Variants in APMAP observed in about 807,000 individuals in gnomAD.
The protein encoded by APMAP is adipocyte plasma membrane associated protein, also known as adipocyte plasma membrane-associated protein.
APMAP carries 33 observed loss-of-function variants against 43.6 expected under a neutral mutation model. That is an observed-to-expected ratio of 0.76 (90% CI 0.57 to 1.01). The LOEUF is 1.01. APMAP is among the 50% of genes least tolerant of loss of function. The probability of loss-of-function intolerance (pLI) is 0.00; values close to 1 mark genes in which losing one functional copy is unlikely to be tolerated. For synonymous variants in APMAP, 224 were observed against 216.7 expected, an observed-to-expected ratio of 1.03 and a Z score of -0.30; for missense variants, 498 against 540.7, an observed-to-expected ratio of 0.92 and a Z score of 0.78.
rs80243165 is a variant in APMAP at position 24,974,903 on chromosome 20, C to T, written c.329-1166G>A. Among the ~76,000 whole-genome samples, 671 of 152,190 alleles carry T rather than the reference C, an allele frequency of 4.4e-3. 3 individuals are homozygous for T. Among genetic ancestry groups the T allele is most frequent in the Non-Finnish European group, 8.1e-3 (550 of 67,982 alleles). Reference sequence around the variant, plus strand: ...AATCCACTATCACAGTTAGAGACTTCAACAATCTAAACAAGAATAATCACA... The same window carrying T: ...AATCCACTATCACAGTTAGAGACTTTAACAATCTAAACAAGAATAATCACA... On this transcript the variant is annotated intron_variant, in intron 3 of 8. Coordinates refer to ENST00000217456, the MANE Select transcript of APMAP (RefSeq NM_020531.3).
In APMAP at chr20:24,969,615, C is replaced by G; in HGVS notation, c.759G>C (p.Leu253Phe). The change falls in exon 7 of 9, where the codon TTG (leucine) becomes TTC (phenylalanine). Residue 253 changes from leucine to phenylalanine, a missense_variant. Coordinates refer to ENST00000217456, the MANE Select transcript of APMAP (RefSeq NM_020531.3). The stretch of plus-strand genomic sequence containing the variant: ...CTCCATTCGGGAACCGCAGCTGGTC[C>G]AATAAAACTTTTACTTCCCTGGTCA... ...DTVTREVKVL[L>F]DQLRFPNGVQ... 6.2e-7 allele frequency: 1 copy of G among 1,614,082 alleles called. No homozygotes were observed. The highest frequency in any genetic ancestry group is 8.5e-7 in the Non-Finnish European group (1 of 1,179,946).
chr20:24,984,290 G>C (rs1438575679), intron 1 of APMAP, among the ~76,000 whole-genome samples: 3 of 152,176 alleles, frequency 2.0e-5, no homozygotes, highest in Admixed American at 2.0e-4. Context: ...TCCTCCAGGA[G>C]GGTTTTAAAG....
intron 1 of APMAP, among the ~76,000 whole-genome samples, chr20:24,991,705 T>C (rs2088193871): frequency 6.6e-6 from 1 of 152,194 alleles, no homozygotes; most frequent in Non-Finnish European, 1.5e-5. Context: ...GTCCCACAAC[T>C]TCAAGCTTGG....
chr20:24,988,655 G>C (rs895996125), intron 1 of APMAP, among the ~76,000 whole-genome samples: 1 of 152,138 alleles, frequency 6.6e-6, no homozygotes, highest in Non-Finnish European at 1.5e-5. Flanking sequence ...GTAGGTACAG[G>C]GTGGGCCTGC....
intron 2 of APMAP, among the ~76,000 whole-genome samples, chr20:24,980,781 T>C (rs1262440932): frequency 1.5e-5 from 2 of 135,132 alleles, no homozygotes; most frequent in Non-Finnish European, 3.2e-5. Flanking sequence ...CCTCGGTCAC[T>C]TCTACACACC....
chr20:24,967,366 T>C (rs2087954200), intron 8 of APMAP, among the ~76,000 whole-genome samples: 1 of 152,196 alleles, frequency 6.6e-6, no homozygotes, highest in Non-Finnish European at 1.5e-5. Context: ...TCTTTCCAAG[T>C]CCATGGGGCT....
intron 3 of APMAP, among the ~76,000 whole-genome samples, chr20:24,976,605 A>G (rs1476287645): frequency 5.3e-5 from 8 of 152,242 alleles, no homozygotes; most frequent in Admixed American, 5.2e-4. Flanking sequence ...GGCAAATGGT[A>G]CAGCCACTTT....
chr20:24,990,651 C>G (rs1466799325), intron 1 of APMAP, among the ~76,000 whole-genome samples: 7 of 152,178 alleles, frequency 4.6e-5, no homozygotes, highest in African/African-American at 1.7e-4. Context: ...ACTTCGCCCA[C>G]TATACACAGG....
chr20:24,975,586 G>A (rs1469270801), intron 3 of APMAP, among the ~76,000 whole-genome samples: 1 of 152,196 alleles, frequency 6.6e-6, no homozygotes, highest in Non-Finnish European at 1.5e-5. Context: ...TTGTCAAGAT[G>A]TCAGTTTTTC....
At chr20:24,968,400 G>A (rs1283203529) in intron 8 of APMAP, among the ~76,000 whole-genome samples, 1 of 152,232 alleles carries the variant, frequency 6.6e-6, no homozygotes, top group African/African-American at 2.4e-5. Flanking sequence ...AAGGCAGCAG[G>A]GAGCAGGCGG....
At chr20:24,964,112 G>T in intron 8 of APMAP, 90 bp from the exon 9 acceptor site, 1 of 1,327,396 alleles carries the variant, frequency 7.5e-7, no homozygotes, top group South Asian at 1.3e-5. Flanking sequence ...ATCCAGGAAC[G>T]GTCTGACTCC....
rs1164026011 is a variant in APMAP, at chr20:24,971,470, A to T, written c.528T>A (p.Asn176Lys). 27 of 1,613,450 alleles carry T rather than the reference A, an allele frequency of 1.7e-5. No homozygotes were observed. The highest frequency in any genetic ancestry group is 2.1e-5 in the Non-Finnish European group (25 of 1,179,488). The change falls in exon 5 of 9, where the codon AAT becomes AAA. Residue 176 changes from asparagine to lysine, a missense_variant. Coordinates refer to ENST00000217456, the MANE Select transcript of APMAP (RefSeq NM_020531.3). Reference protein sequence around the residue: ...ADAYKGLFEVNPWKREVKLLL... With the variant: ...ADAYKGLFEVKPWKREVKLLL... ...GATATTGTCACATACGTTTCCAGGGATTTACTTCAAATAGTCCCTTGTATG... is the reference window on the plus strand; with the variant it reads ...GATATTGTCACATACGTTTCCAGGGTTTTACTTCAAATAGTCCCTTGTATG...
At chr20:24,967,290 G>A (rs528320382) in intron 8 of APMAP, among the ~76,000 whole-genome samples, 4 of 152,274 alleles carry the variant, frequency 2.6e-5, no homozygotes, top group East Asian at 1.9e-4. Context: ...GCGAGGCTCC[G>A]TCTCAAAAAC....
intron 1 of APMAP, among the ~76,000 whole-genome samples, chr20:24,990,383 TTCATATAAACCACC>T (rs2088181748): frequency 6.6e-6 from 1 of 152,172 alleles, no homozygotes; most frequent in African/African-American, 2.4e-5. Flanking sequence ...TCTCTGTAAC[TTCATATAAACCACC>T]TCACACACAT....
chr20:24,965,481 G>A (rs918656014), intron 8 of APMAP, among the ~76,000 whole-genome samples: 2 of 152,250 alleles, frequency 1.3e-5, no homozygotes, highest in African/African-American at 4.8e-5. Flanking sequence ...GCAGACCATG[G>A]TGACCCAGAC....
intron 1 of APMAP, among the ~76,000 whole-genome samples, chr20:24,990,514 C>A (rs1371938656): frequency 1.3e-5 from 2 of 152,202 alleles, no homozygotes; most frequent in African/African-American, 2.4e-5. Context: ...CTGCTAAAAT[C>A]TATGTCTTAG....
At chr20:24,990,022 C>T (rs2088178846) in intron 1 of APMAP, among the ~76,000 whole-genome samples, 1 of 152,182 alleles carries the variant, frequency 6.6e-6, no homozygotes, top group African/African-American at 2.4e-5. Context: ...CATCCCTAAA[C>T]AGTCACATAT....
intron 5 of APMAP, among the ~76,000 whole-genome samples, chr20:24,970,956 C>T (rs6114968): frequency 0.09 from 13,667 of 152,196 alleles, 700 homozygotes; most frequent in Middle Eastern, 0.12. Context: ...CGGGCCCCCA[C>T]GCACAAGACA....
At chr20:24,967,284 G>A (rs1487461661) in intron 8 of APMAP, among the ~76,000 whole-genome samples, 1 of 152,188 alleles carries the variant, frequency 6.6e-6, no homozygotes, top group African/African-American at 2.4e-5. Flanking sequence ...GACAGGGCGA[G>A]GCTCCGTCTC....
Sources: gnomAD v4.1 joint callset for allele counts (sites outside exome capture counted in the v4.1 genomes callset) on GRCh38, gnomAD v4.1.1 for gene constraint, MANE v1.5 for transcripts, NCBI Gene and HGNC (gene_info 2026-07-23, HGNC 2026-07-21) for gene names.